The following PITPNC1 variants were observed in gnomAD, a reference collection of about 807,000 sequenced individuals.
The protein encoded by PITPNC1 is cytoplasmic phosphatidylinositol transfer protein 1.
A neutral mutation model predicts 44.7 loss-of-function variants in PITPNC1; 18 were observed. The ratio of observed to expected loss-of-function variants is 0.40; its 90% CI spans 0.28 to 0.60. The LOEUF (loss-of-function observed/expected upper bound fraction) is 0.60, where lower values mean the gene tolerates loss of function less well. Ranked by LOEUF, PITPNC1 falls within the 20% of genes least tolerant of loss-of-function variation. The pLI is 0.39. For synonymous variants in PITPNC1, 141 were observed against 149.6 expected (o/e 0.94, Z 0.42); for missense variants, 290 against 418.4 (o/e 0.69, Z 2.68).
chr17:67,573,715 A>G (rs2041095800), intron 4 of PITPNC1, among the ~76,000 whole-genome samples: 1 of 152,048 alleles, frequency 6.6e-6, no homozygotes, highest in South Asian at 2.1e-4. Context: ...GGCATCTGCC[A>G]TCATGCCCAG....
At chr17:67,499,319 A>G (rs1301454269) in intron 1 of PITPNC1, among the ~76,000 whole-genome samples, 1 of 152,016 alleles carries the variant, frequency 6.6e-6, no homozygotes, top group Non-Finnish European at 1.5e-5. Context: ...GGCTCAAGTG[A>G]TCCTGCCACC....
chr17:67,592,018 AT>A (rs747228045), intron 5 of PITPNC1, among the ~76,000 whole-genome samples: 1 of 151,862 alleles, frequency 6.6e-6, no homozygotes, highest in East Asian at 1.9e-4. Flanking sequence ...CAGCGCAATG[AT>A]TTTTTAAAAT....
At chr17:67,598,995 G>C in intron 5 of PITPNC1, among the ~76,000 whole-genome samples, 2 of 59,242 alleles carry the variant, frequency 3.4e-5, no homozygotes, top group Admixed American at 2.7e-4. Context: ...AAAACTATAA[G>C]AAATACATAT....
At chr17:67,618,226 G>T (rs927718893) in intron 5 of PITPNC1, among the ~76,000 whole-genome samples, 1 of 151,812 alleles carries the variant, frequency 6.6e-6, no homozygotes, top group Non-Finnish European at 1.5e-5. Flanking sequence ...TTAGCTGGGC[G>T]TGATGGTGCA....
At chr17:67,583,372 G>C (rs986826201) in intron 5 of PITPNC1, among the ~76,000 whole-genome samples, 3 of 152,052 alleles carry the variant, frequency 2.0e-5, no homozygotes, top group African/African-American at 7.2e-5. Context: ...AGGATGGCTT[G>C]AGCTCAGGAG....
chr17:67,385,294 A>C (rs1258038106), intron 1 of PITPNC1, among the ~76,000 whole-genome samples: 1 of 152,344 alleles, frequency 6.6e-6, no homozygotes, highest in East Asian at 1.9e-4. Context: ...TGCGCTAATC[A>C]GCACTCTGCA....
intron 8 of PITPNC1, among the ~76,000 whole-genome samples, chr17:67,683,170 A>G (rs1487399476): frequency 6.6e-6 from 1 of 150,796 alleles, no homozygotes; most frequent in Non-Finnish European, 1.5e-5. Flanking sequence ...CTCAAAAAAA[A>G]AAAAAAAAAA....
chr17:67,595,885 T>C (rs1364642173), intron 5 of PITPNC1, among the ~76,000 whole-genome samples: 1 of 152,212 alleles, frequency 6.6e-6, no homozygotes, highest in African/African-American at 2.4e-5. Context: ...ATAAATACCT[T>C]TGGACTATGC....
At position 67,381,526 on chromosome 17, in the gene PITPNC1, G is replaced by T. The variant is rs566467464; in HGVS notation, c.48+3324G>T. ...CTGTCTCCCAGGCTGGAGCGCAGTGGTGCAATCTCAGCTCACTGCAAGGTC... is the reference window on the plus strand; with the variant it reads ...CTGTCTCCCAGGCTGGAGCGCAGTGTTGCAATCTCAGCTCACTGCAAGGTC... On this transcript the variant is annotated intron_variant, in intron 1 of 8. Transcript: ENST00000581322. 5.3e-5 allele frequency among the ~76,000 whole-genome samples: 8 copies of T among 150,062 alleles called. No homozygotes were observed. In the South Asian group the frequency reaches 1.7e-3, roughly 32 times the overall value.
chr17:67,480,356 C>T (rs2039685871), intron 1 of PITPNC1, among the ~76,000 whole-genome samples: 1 of 152,062 alleles, frequency 6.6e-6, no homozygotes, highest in Non-Finnish European at 1.5e-5. Flanking sequence ...GAATAGAGAC[C>T]TAGAAGAAAA....
chr17:67,661,740 T>C (rs2042350685), intron 6 of PITPNC1, among the ~76,000 whole-genome samples: 1 of 152,230 alleles, frequency 6.6e-6, no homozygotes, highest in Non-Finnish European at 1.5e-5. Flanking sequence ...GGCTCACGCC[T>C]GTAATCCCAG....
chr17:67,559,300 G>A (rs1188891904), intron 4 of PITPNC1, among the ~76,000 whole-genome samples: 1 of 151,902 alleles, frequency 6.6e-6, no homozygotes. Flanking sequence ...GGGCTTGTTA[G>A]GAAATTAAAG....
intron 6 of PITPNC1, among the ~76,000 whole-genome samples, chr17:67,642,532 A>C (rs12325881): frequency 0.084 from 12,809 of 152,234 alleles, 743 homozygotes; most frequent in Admixed American, 0.18. Context: ...GGAAATAAAA[A>C]GGTGTTAAAC....
intron 1 of PITPNC1, among the ~76,000 whole-genome samples, chr17:67,474,459 T>C (rs1436851030): frequency 6.6e-6 from 1 of 152,154 alleles, no homozygotes; most frequent in African/African-American, 2.4e-5. Context: ...GGAGCCGTCT[T>C]GTGCATTGCA....
intron 1 of PITPNC1, among the ~76,000 whole-genome samples, chr17:67,461,481 G>C (rs777879094): frequency 6.6e-6 from 1 of 152,184 alleles, no homozygotes; most frequent in Non-Finnish European, 1.5e-5. Context: ...ATATCACACA[G>C]GATGTGTCTT....
intron 1 of PITPNC1, among the ~76,000 whole-genome samples, chr17:67,425,197 G>GCACACACACACACACACA (rs60303181): frequency 2.0e-5 from 2 of 98,426 alleles, no homozygotes; most frequent in Admixed American, 1.1e-4. Context: ...GCGCGCGCAC[G>GCACACACACACACACACA]CACACGCACA....
intron 1 of PITPNC1, 81 bp from the exon 2 acceptor site, chr17:67,532,721 G>T: frequency 1.7e-6 from 2 of 1,152,434 alleles, no homozygotes; most frequent in Non-Finnish European, 2.5e-6. Context: ...TGTTATTAGT[G>T]GCTTGCCAAG....
intron 5 of PITPNC1, among the ~76,000 whole-genome samples, chr17:67,630,388 CG>C (rs2041949971): frequency 6.6e-6 from 1 of 152,120 alleles, no homozygotes; most frequent in Non-Finnish European, 1.5e-5. Context: ...GAGGCCAAGG[CG>C]GATGGATCAC....
intron 1 of PITPNC1, among the ~76,000 whole-genome samples, chr17:67,471,063 T>C: frequency 8.1e-6 from 1 of 123,918 alleles, no homozygotes; most frequent in South Asian, 3.0e-4. Flanking sequence ...ACACAAACAC[T>C]GCGGAAGGCC....
Sources: gnomAD v4.1 joint callset for allele counts (sites outside exome capture counted in the v4.1 genomes callset) on GRCh38, gnomAD v4.1.1 for gene constraint, MANE v1.5 for transcripts, NCBI Gene and HGNC (gene_info 2026-07-23, HGNC 2026-07-21) for gene names.